Variants in MTFR1 observed in about 807,000 individuals in gnomAD.
MTFR1 encodes mitochondrial fission regulator 1.
MTFR1 carries 28 observed loss-of-function variants against 38.8 expected under a neutral mutation model. The ratio of observed to expected loss-of-function variants is 0.72; its 90% CI spans 0.53 to 0.99. MTFR1 has a LOEUF of 0.99. Ranked by LOEUF, MTFR1 falls within the 50% of genes least tolerant of loss-of-function variation. MTFR1 has a pLI of 0.00. For synonymous variants in MTFR1, 145 were observed against 137.0 expected, an observed-to-expected ratio of 1.06 and a Z score of -0.41; for missense variants, 358 against 395.5, an observed-to-expected ratio of 0.91 and a Z score of 0.81.
chr8:65,728,360 G>A (rs1428861442), intron 3 of MTFR1: 2 of 152,088 alleles, frequency 1.3e-5, no homozygotes, highest in African/African-American at 4.8e-5. Context: ...TTCTCTGCTA[G>A]AACGAATCAA....
intron 3 of MTFR1, chr8:65,727,009 T>C: frequency 8.9e-7 from 1 of 1,121,374 alleles, no homozygotes; most frequent in Non-Finnish European, 1.4e-6. Context: ...GATACGTCTC[T>C]TTCTGGACAT....
At chr8:65,693,325 C>T (rs962955244) in intron 3 of MTFR1, among the ~76,000 whole-genome samples, 23 of 151,630 alleles carry the variant, frequency 1.5e-4, no homozygotes, top group South Asian at 4.2e-4. Flanking sequence ...CGCTTGAACC[C>T]GGGAGGCGGA....
intron 1 of MTFR1, among the ~76,000 whole-genome samples, chr8:65,652,885 T>C (rs538372812): frequency 6.6e-6 from 1 of 152,354 alleles, no homozygotes; most frequent in African/African-American, 2.4e-5. Flanking sequence ...GCTAGGACTT[T>C]TTACTATGCC....
intron 2 of MTFR1, among the ~76,000 whole-genome samples, chr8:65,716,310 A>G (rs559039236): frequency 1.3e-5 from 2 of 152,326 alleles, no homozygotes; most frequent in East Asian, 1.9e-4. Context: ...GTTTCAAACT[A>G]TAAGAGAAAC....
At chr8:65,769,179 T>C (rs904176832) in intron 3 of MTFR1, among the ~76,000 whole-genome samples, 1 of 147,306 alleles carries the variant, frequency 6.8e-6, no homozygotes, top group Non-Finnish European at 1.5e-5. Flanking sequence ...ACCAGGGAGT[T>C]GGTGGTTGCA....
At chr8:65,719,278 T>C in intron 2 of MTFR1, 1 of 1,600,800 alleles carries the variant, frequency 6.2e-7, no homozygotes, top group Non-Finnish European at 8.6e-7. Flanking sequence ...TTTGTCCCAC[T>C]GGTTCTGGGG....
intron 3 of MTFR1, among the ~76,000 whole-genome samples, chr8:65,756,172 C>T (rs1808232536): frequency 6.6e-6 from 1 of 152,184 alleles, no homozygotes; most frequent in African/African-American, 2.4e-5. Context: ...CAAGTTGCTT[C>T]TCTCTTGCTG....
intron 4 of MTFR1, among the ~76,000 whole-genome samples, chr8:65,702,293 CTTTCTTTTTTTTTT>C (rs1805635022): frequency 7.2e-6 from 1 of 137,966 alleles, no homozygotes; most frequent in Non-Finnish European, 1.6e-5. Context: ...TTCTTTCTTT[CTTTCTTTTTTTTTT>C]TTTTTTTTTT....
downstream of MTFR1, among the ~76,000 whole-genome samples, chr8:65,713,470 ACACACACACAC>A (rs1563462276): frequency 3.3e-5 from 5 of 151,436 alleles, no homozygotes; most frequent in African/African-American, 1.2e-4. Flanking sequence ...ACACACACAC[ACACACACACAC>A]ACAAACAAAA....
At chr8:65,715,059 T>C (rs1806077230), downstream of MTFR1, among the ~76,000 whole-genome samples, 1 of 152,188 alleles carries the variant, frequency 6.6e-6, no homozygotes, top group Non-Finnish European at 1.5e-5. Flanking sequence ...GCCCCTGAAA[T>C]GTTGAGCCAA....
chr8:65,753,527 A>G (rs1563488885), intron 3 of MTFR1, among the ~76,000 whole-genome samples: 1 of 151,652 alleles, frequency 6.6e-6, no homozygotes, highest in Non-Finnish European at 1.5e-5. Context: ...ACCCACCCCT[A>G]AGCTTTAAAA....
intron 3 of MTFR1, among the ~76,000 whole-genome samples, chr8:65,736,790 G>T (rs1478553012): frequency 1.6e-4 from 21 of 128,802 alleles, no homozygotes; most frequent in African/African-American, 2.6e-4. Flanking sequence ...AAATTTATCT[G>T]TTTTTTTTTT....
downstream of MTFR1, among the ~76,000 whole-genome samples, chr8:65,713,585 A>G (rs1273522235): frequency 6.6e-6 from 1 of 152,242 alleles, no homozygotes; most frequent in East Asian, 1.9e-4. Flanking sequence ...GTATAAGACT[A>G]AAATATGTAA....
At chr8:65,648,656 C>T (rs1026614599) in intron 1 of MTFR1, among the ~76,000 whole-genome samples, 4 of 151,900 alleles carry the variant, frequency 2.6e-5, no homozygotes, top group East Asian at 1.9e-4. Context: ...TATCATTTAA[C>T]GTATAATTTG....
At chr8:65,719,460 C>T in exon 3 of MTFR1, 1 of 1,614,020 alleles carries the variant, frequency 6.2e-7, no homozygotes, top group South Asian at 1.1e-5. Context: ...CTGGCCCATT[C>T]TGTAAATAAA....
At chr8:65,671,553 A>C (rs374033115) in intron 2 of MTFR1, among the ~76,000 whole-genome samples, 25 of 151,756 alleles carry the variant, frequency 1.6e-4, no homozygotes, top group Non-Finnish European at 3.1e-4. Flanking sequence ...AAAAAAAAAA[A>C]AAAAAAAGAA....
chr8:65,652,546 T>A (rs1809151827), intron 1 of MTFR1, among the ~76,000 whole-genome samples: 1 of 152,196 alleles, frequency 6.6e-6, no homozygotes, highest in Non-Finnish European at 1.5e-5. Flanking sequence ...TTAAATTGCT[T>A]TTGAGTTTTC....
intron 1 of MTFR1, among the ~76,000 whole-genome samples, 196 bp from the exon 2 acceptor site, chr8:65,669,677 G>A (rs1804508431): frequency 6.6e-6 from 1 of 151,900 alleles, no homozygotes; most frequent in Admixed American, 6.6e-5. Flanking sequence ...TCGGCCTCCT[G>A]AGTAGCTGGG....
downstream of MTFR1, among the ~76,000 whole-genome samples, chr8:65,773,894 A>T (rs550418264): frequency 2.0e-5 from 3 of 152,226 alleles, no homozygotes; most frequent in African/African-American, 7.2e-5. Context: ...AGTGAATGTT[A>T]GGGGGTAGGC....
Sources: gnomAD v4.1 joint callset for allele counts (sites outside exome capture counted in the v4.1 genomes callset) on GRCh38, gnomAD v4.1.1 for gene constraint, MANE v1.5 for transcripts, NCBI Gene and HGNC (gene_info 2026-07-23, HGNC 2026-07-21) for gene names.